The following ADPGK variants were observed in gnomAD, a reference collection of about 807,000 sequenced individuals.
ADPGK encodes the protein ADP-dependent glucokinase.
In ADPGK, 26 loss-of-function variants were observed where a neutral mutation model predicts 42.4. That is an observed-to-expected ratio of 0.61 (90% CI 0.45 to 0.85). The LOEUF (loss-of-function observed/expected upper bound fraction) is 0.85, where lower values mean the gene tolerates loss of function less well. Among genes scored for constraint, ADPGK ranks in the 40% least tolerant of loss-of-function variants. ADPGK has a pLI of 0.00. For synonymous variants in ADPGK, 267 were observed against 252.6 expected (o/e 1.06, Z -0.54); for missense variants, 571 against 627.0 (o/e 0.91, Z 0.95).
chr15:72,777,712 C>A (rs923586642), intron 1 of ADPGK, among the ~76,000 whole-genome samples: 2 of 151,876 alleles, frequency 1.3e-5, no homozygotes, highest in Non-Finnish European at 2.9e-5. Flanking sequence ...ACTATAAACA[C>A]CCCACTCTCC....
At chr15:72,755,728 T>C in intron 5 of ADPGK, 74 bp from the exon 6 acceptor site, 1 of 1,214,252 alleles carries the variant, frequency 8.2e-7, no homozygotes, top group Non-Finnish European at 1.2e-6. Context: ...AAAGATCAGA[T>C]CCTGAGAGGC....
At chr15:72,773,227 G>A (rs1269183796) in intron 2 of ADPGK, among the ~76,000 whole-genome samples, 1 of 152,210 alleles carries the variant, frequency 6.6e-6, no homozygotes, top group African/African-American at 2.4e-5. Flanking sequence ...GACAAGGTTG[G>A]AGTAAACAAT....
intron 3 of ADPGK, among the ~76,000 whole-genome samples, chr15:72,768,520 T>C (rs2066287182): frequency 6.6e-6 from 1 of 151,912 alleles, no homozygotes; most frequent in Non-Finnish European, 1.5e-5. Context: ...ATACAAAAAT[T>C]AGCTGGGCAT....
intron 3 of ADPGK, among the ~76,000 whole-genome samples, chr15:72,762,501 C>A (rs1861891016): frequency 6.6e-6 from 1 of 152,198 alleles, no homozygotes; most frequent in African/African-American, 2.4e-5. Flanking sequence ...CTGAAAAAGT[C>A]TTGCCCCAAC....
chr15:72,761,302 G>GT (rs1000710129), intron 3 of ADPGK, among the ~76,000 whole-genome samples: 22 of 152,290 alleles, frequency 1.4e-4, no homozygotes, highest in African/African-American at 4.3e-4. Flanking sequence ...GATGAAAACT[G>GT]TTTGAGTTTT....
rs1406625205 is a variant in ADPGK, at chr15:72,756,460, A to G, written c.644-13T>C. Reference sequence around the variant, plus strand: ...CCCCACTCCTCCCCTGGAAAAACCCAGTCAACACAATGGGAAGAAAAGGAA... The same window carrying G: ...CCCCACTCCTCCCCTGGAAAAACCCGGTCAACACAATGGGAAGAAAAGGAA... On this transcript the variant is annotated splice_polypyrimidine_tract_variant and intron_variant, in intron 4 of 6. Transcript: ENST00000456471. 6.2e-7 allele frequency: 1 copy of G among 1,613,978 alleles called. No homozygotes were observed. The highest frequency in any genetic ancestry group is 1.1e-5 in the South Asian group (1 of 91,064).
chr15:72,765,980 T>C (rs1412917279), intron 3 of ADPGK, among the ~76,000 whole-genome samples: 1 of 152,112 alleles, frequency 6.6e-6, no homozygotes, highest in South Asian at 2.1e-4. Flanking sequence ...TTTTTAGAAG[T>C]TTTTTAATTT....
Position 72,756,577 on chromosome 15 carries a change from C to G in ADPGK, c.644-130G>C. ...GGCTGGTTTCTGGCTGAGGAGACCC[C>G]AGCAACAATGGCCTAAGGTCAGCAT... is the stretch of plus-strand genomic sequence containing the variant. On this transcript the variant is annotated intron_variant, in intron 4 of 6. Coordinates refer to ENST00000456471, the MANE Select transcript of ADPGK (RefSeq NM_001365225.1). 4.4e-6 allele frequency: 4 copies of G among 900,666 alleles called. No individual in the cohort carries two copies. The South Asian group carries it at 7.1e-5, about 16-fold the overall frequency. The allele number at this position is 900,666 out of a possible 1,614,324, so 55.8% of individuals were successfully genotyped here.
chr15:72,767,335 C>T (rs2066273091), intron 3 of ADPGK, among the ~76,000 whole-genome samples: 1 of 148,990 alleles, frequency 6.7e-6, no homozygotes, highest in African/African-American at 2.5e-5. Context: ...TCCAAAATTA[C>T]AGTTGGAGAC....
At chr15:72,761,360 G>A (rs1245872014) in intron 3 of ADPGK, among the ~76,000 whole-genome samples, 1 of 152,184 alleles carries the variant, frequency 6.6e-6, no homozygotes, top group Non-Finnish European at 1.5e-5. Context: ...TCAACCGGGT[G>A]ACCTCATTTG....
intron 3 of ADPGK, among the ~76,000 whole-genome samples, chr15:72,761,534 T>G (rs1382111873): frequency 6.6e-6 from 1 of 152,178 alleles, no homozygotes; most frequent in Non-Finnish European, 1.5e-5. Context: ...CTCTGGCTAT[T>G]CTTTCTAGAA....
At chr15:72,782,223 T>C (rs2066467838) in intron 1 of ADPGK, among the ~76,000 whole-genome samples, 1 of 152,154 alleles carries the variant, frequency 6.6e-6, no homozygotes, top group African/African-American at 2.4e-5. Context: ...GAATATCTGC[T>C]GAATGAACGC....
chr15:72,783,548 CG>C lies in ADPGK; in HGVS notation c.143del (p.Pro48ArgfsTer43). On this transcript the variant is annotated frameshift_variant, in exon 1 of 7. Coordinates refer to ENST00000456471, the MANE Select transcript of ADPGK (RefSeq NM_001365225.1). LOFTEE classifies it high-confidence loss of function. ...ACCGGCCCTCGGGGGAGACGGGTCC[CG>C]GGGGCGCAGGCGCGGGCCCCAGACA... ...SLCLGPAPAP[P>X]GPVSPEGRLA... 4.7e-6 allele frequency: 7 copies of C among 1,497,142 alleles called. No homozygotes were observed. The highest frequency in any genetic ancestry group is 4.3e-5 in the Admixed American group (2 of 46,808). The allele number at this position is 1,497,142 out of a possible 1,614,324, so 92.7% of individuals were successfully genotyped here. A position where few individuals can be genotyped will look rare whatever the true frequency, so the allele number is the denominator to read the frequency against.
intron 3 of ADPGK, 145 bp downstream of exon 3, chr15:72,771,638 T>C: frequency 1.6e-6 from 1 of 637,430 alleles, no homozygotes; most frequent in Non-Finnish European, 2.7e-6. Context: ...TCTCCTACTA[T>C]TACTGCTTCC....
At chr15:72,780,454 T>G (rs1487543533) in intron 1 of ADPGK, among the ~76,000 whole-genome samples, 1 of 152,176 alleles carries the variant, frequency 6.6e-6, no homozygotes, top group African/African-American at 2.4e-5. Flanking sequence ...CAATTCAAGA[T>G]GAGATTTGAG....
At chr15:72,777,600 C>G (rs1349260635) in intron 1 of ADPGK, among the ~76,000 whole-genome samples, 2 of 151,940 alleles carry the variant, frequency 1.3e-5, no homozygotes, top group Non-Finnish European at 2.9e-5. Flanking sequence ...ATCGCTTGAA[C>G]CCGGGAGGTG....
In ADPGK at chr15:72,767,874, A is replaced by C. The variant is rs1410001070; in HGVS notation, c.522+3909T>G. ...GAGAAAACAGGAAAGGTCTCAAATC[A>C]ATGATTGTAGCTTCTCACCTTAAGA... On this transcript the variant is annotated intron_variant, in intron 3 of 6. Transcript: ENST00000456471. Among the ~76,000 whole-genome samples, 3 of 152,208 alleles carry C rather than the reference A, an allele frequency of 2.0e-5. No homozygotes were observed. In the East Asian group the frequency reaches 5.8e-4, roughly 29 times the overall value.
At chr15:72,764,700 A>G (rs1366734626) in intron 3 of ADPGK, among the ~76,000 whole-genome samples, 2 of 152,240 alleles carry the variant, frequency 1.3e-5, no homozygotes, top group East Asian at 3.9e-4. Flanking sequence ...ATGCTGAAGA[A>G]GTACGTAAAA....
intron 4 of ADPGK, chr15:72,757,735 CAA>C (rs2066135511): frequency 5.4e-6 from 1 of 186,578 alleles, no homozygotes; most frequent in Admixed American, 5.7e-5. Context: ...TGCAAATCAA[CAA>C]AGACTCTGTA....
Sources: gnomAD v4.1 joint callset for allele counts (sites outside exome capture counted in the v4.1 genomes callset) on GRCh38, gnomAD v4.1.1 for gene constraint, MANE v1.5 for transcripts, NCBI Gene and HGNC (gene_info 2026-07-23, HGNC 2026-07-21) for gene names.